SLC2A10: variants seen among roughly 807,000 people sequenced by gnomAD.
SLC2A10 encodes solute carrier family 2 member 10, also known as solute carrier family 2, facilitated glucose transporter member 10.
A neutral mutation model predicts 32.1 loss-of-function variants in SLC2A10; 25 were observed. The observed-to-expected ratio is 0.78, with a 90% CI of 0.57 to 1.09. The LOEUF (loss-of-function observed/expected upper bound fraction) is 1.09, where lower values mean the gene tolerates loss of function less well. Among genes scored for constraint, SLC2A10 ranks in the 50% least tolerant of loss-of-function variants. The pLI, the probability that SLC2A10 is intolerant of heterozygous loss-of-function variation, is 0.00. For synonymous variants in SLC2A10, 332 were observed against 309.6 expected (o/e 1.07, Z -0.76); for missense variants, 673 against 686.5 (o/e 0.98, Z 0.22).
At chr20:46,710,764 G>A (rs375092352) in intron 1 of SLC2A10, among the ~76,000 whole-genome samples, 15 of 152,248 alleles carry the variant, frequency 9.9e-5, no homozygotes, top group African/African-American at 3.4e-4. Context: ...ATGGCAGAGA[G>A]GTGTGCAGGG....
intron 1 of SLC2A10, among the ~76,000 whole-genome samples, chr20:46,713,004 G>GCCACTT (rs1979023086): frequency 6.6e-6 from 1 of 151,820 alleles, no homozygotes; most frequent in Admixed American, 6.6e-5. Context: ...CCTGTCCATG[G>GCCACTT]CCACTTCCAG....
Position 46,725,268 on chromosome 20 carries a change from A to G in SLC2A10, c.232A>G (p.Ile78Val), listed in dbSNP as rs952839819. Reference protein sequence around the residue: ...LIDCYGRKQAILGSNLVLLAG... With the variant: ...LIDCYGRKQAVLGSNLVLLAG... ...TGACTGCTATGGCAGGAAGCAAGCCATCCTCGGGAGCAACTTGGTGCTGCT... is the reference window on the plus strand; with the variant it reads ...TGACTGCTATGGCAGGAAGCAAGCCGTCCTCGGGAGCAACTTGGTGCTGCT... Residue 78 changes from isoleucine (I) to valine (V), a missense_variant, in exon 2 of 5, where the codon ATC becomes GTC. Ile to Val is a conservative substitution (Grantham distance 29). Transcript: ENST00000359271. 2 of 1,614,138 alleles carry G rather than the reference A, an allele frequency of 1.2e-6. No individual in the cohort carries two copies. Among genetic ancestry groups the G allele is most frequent in the South Asian group, 2.2e-5 (2 of 91,082 alleles).
In SLC2A10 at chr20:46,712,651, C is replaced by CTTTTTTTTTTTTTT. The variant is rs11477202; in HGVS notation, c.4+2920_4+2933dup. Among the ~76,000 whole-genome samples, 27 of 94,416 alleles carry CTTTTTTTTTTTTTT rather than the reference C, an allele frequency of 2.9e-4. 1 individual carries two copies. The highest frequency in any genetic ancestry group is 4.1e-4 in the South Asian group (1 of 2,428). The allele number at this position is 94,416 out of a possible 152,430, so 61.9% of individuals were successfully genotyped here. A position where few individuals can be genotyped will look rare whatever the true frequency, so the allele number is the denominator to read the frequency against. ...TTCTTTCTTTCTGTCTTCTTTCTTT[C>CTTTTTTTTTTTTTT]TTTTTTTTTTTTTTTTTTTTTTGAC... On this transcript the variant is annotated intron_variant, in intron 1 of 4. Coordinates refer to ENST00000359271, the MANE Select transcript of SLC2A10 (RefSeq NM_030777.4).
At chr20:46,718,426 T>G (rs1340285164) in intron 1 of SLC2A10, among the ~76,000 whole-genome samples, 1 of 152,184 alleles carries the variant, frequency 6.6e-6, no homozygotes, top group East Asian at 1.9e-4. Flanking sequence ...TTCCATTCCC[T>G]TAACATCTGT....
upstream of SLC2A10, chr20:46,709,589 G>A (rs1003183218): frequency 1.9e-6 from 2 of 1,027,632 alleles, no homozygotes; most frequent in Non-Finnish European, 2.6e-6. Flanking sequence ...TGGCGTTGGC[G>A]GCGCTGCGCG....
At position 46,723,879 on chromosome 20, in the gene SLC2A10, A is replaced by T. The variant is rs188756551; in HGVS notation, c.5-1162A>T. Among the ~76,000 whole-genome samples the T allele has an allele frequency of 1.3e-3, 200 of 152,358 alleles. 1 individual carries two copies. The highest frequency in any genetic ancestry group is 4.6e-3 in the African/African-American group (190 of 41,586). On this transcript the variant is annotated intron_variant, in intron 1 of 4. Transcript: ENST00000359271. ...TCTGCACTTTGGAGGATGATATGTT[A>T]TAGGGTAGCTGTAACAATTAAATGA...
At chr20:46,722,187 T>C (rs556692669) in intron 1 of SLC2A10, among the ~76,000 whole-genome samples, 1 of 152,312 alleles carries the variant, frequency 6.6e-6, no homozygotes, top group African/African-American at 2.4e-5. Flanking sequence ...AATTTCCTTA[T>C]CTGTGACATG....
At position 46,725,129 on chromosome 20, in the gene SLC2A10, T is replaced by C; in HGVS notation, c.93T>C (p.Gly31=). 1 of 1,614,210 alleles carries C rather than the reference T, an allele frequency of 6.2e-7. No homozygotes were observed. The highest frequency in any genetic ancestry group is 8.5e-7 in the Non-Finnish European group (1 of 1,180,044). The change falls in exon 2 of 5, where the codon GGT becomes GGC. Residue 31 remains glycine (G), a synonymous_variant. Transcript: ENST00000359271. ...GTTATGAACTGGCAGTCATATCAGGTGCCCTGCTGCCACTGCAGCTTGACT... is the reference window on the plus strand; with the variant it reads ...GTTATGAACTGGCAGTCATATCAGGCGCCCTGCTGCCACTGCAGCTTGACT... ...TFGYELAVIS[G]ALLPLQLDFG...
chr20:46,711,497 A>G (rs1393894801), intron 1 of SLC2A10, among the ~76,000 whole-genome samples: 1 of 152,170 alleles, frequency 6.6e-6, no homozygotes, highest in East Asian at 1.9e-4. Flanking sequence ...GCCTGAGAAA[A>G]AAATGAGGCC....
chr20:46,714,423 G>C (rs1311063192), intron 1 of SLC2A10: 1 of 152,330 alleles, frequency 6.6e-6, no homozygotes, highest in Non-Finnish European at 1.5e-5. Flanking sequence ...AAGGAAAAGG[G>C]GCGGCTCCCT....
intron 4 of SLC2A10, among the ~76,000 whole-genome samples, 159 bp from the exon 5 acceptor site, chr20:46,733,597 T>C (rs1034907868): frequency 3.0e-4 from 45 of 152,050 alleles, no homozygotes. Flanking sequence ...GGGGTCCAGG[T>C]GAGAGAAGGT....
intron 2 of SLC2A10, 119 bp from the exon 3 acceptor site, chr20:46,726,745 T>C: frequency 7.5e-7 from 1 of 1,339,824 alleles, no homozygotes; most frequent in Non-Finnish European, 1.1e-6. Flanking sequence ...GAGTGGGAGT[T>C]TAGTATCAGG....
chr20:46,725,949 G>A lies in SLC2A10; in HGVS notation c.913G>A (p.Ala305Thr), dbSNP rs1488832954. ...CAGGGCTCTGTTGCTAGCTGGCTGT[G>A]CCCTCATGGCCCTGTCCGTCAGTGG... ...GRRALLLAGC[A>T]LMALSVSGIG... is the part of the protein sequence containing the mutation. The change falls in exon 2 of 5, where the codon GCC (alanine) becomes ACC (threonine). Residue 305 changes from alanine to threonine, a missense_variant. Ala to Thr is a moderately conservative substitution (Grantham distance 58). Transcript: ENST00000359271. 1 of 1,613,712 alleles carries A rather than the reference G, an allele frequency of 6.2e-7. No individual in the cohort carries two copies. Among genetic ancestry groups the A allele is most frequent in the Non-Finnish European group, 8.5e-7 (1 of 1,180,034 alleles).
intron 1 of SLC2A10, among the ~76,000 whole-genome samples, chr20:46,714,259 C>T (rs1045510916): frequency 2.6e-5 from 4 of 152,196 alleles, no homozygotes; most frequent in Non-Finnish European, 5.9e-5. Flanking sequence ...CCGACTCTCA[C>T]TGGCCCAGGT....
chr20:46,732,931 G>A (rs1210661215), intron 4 of SLC2A10, among the ~76,000 whole-genome samples: 1 of 152,182 alleles, frequency 6.6e-6, no homozygotes. Flanking sequence ...AAACAAGTTA[G>A]GAGTTTTGAA....
At chr20:46,721,599 G>C (rs1360484929) in intron 1 of SLC2A10, among the ~76,000 whole-genome samples, 1 of 152,168 alleles carries the variant, frequency 6.6e-6, no homozygotes, top group Non-Finnish European at 1.5e-5. Flanking sequence ...CATGTAACGA[G>C]AGCCCAGTGG....
Position 46,725,514 on chromosome 20 carries a change from A to AC in SLC2A10, c.483dup (p.Trp162LeufsTer30). On this transcript the variant is annotated frameshift_variant, in exon 2 of 5. Transcript: ENST00000359271. LOFTEE classifies it high-confidence loss of function. ...TGCCCTCAACTATGCACTGGCTGGT[A>AC]CCCCCTGGGGATGGAGGCACATGTT... 6.2e-7 allele frequency: 1 copy of AC among 1,613,902 alleles called. No individual in the cohort carries two copies. The highest frequency in any genetic ancestry group is 1.1e-5 in the South Asian group (1 of 91,068).
intron 1 of SLC2A10, among the ~76,000 whole-genome samples, chr20:46,715,276 A>G (rs1015259320): frequency 6.6e-6 from 1 of 151,282 alleles, no homozygotes; most frequent in African/African-American, 2.4e-5. Flanking sequence ...CATTGGCCTT[A>G]TTGTCCATTT....
chr20:46,726,302 C>A lies in SLC2A10; in HGVS notation c.1266C>A (p.Ala422=). The change falls in exon 2 of 5, where the codon GCC becomes GCA. Residue 422 remains alanine (A), a synonymous_variant. Coordinates refer to ENST00000359271, the MANE Select transcript of SLC2A10 (RefSeq NM_030777.4). The part of the protein sequence containing the change: ...ALLCLMVFVS[A]FSFGFGPVTW... ...TGTGCCTGATGGTCTTTGTCAGTGC[C>A]TTCTCCTTTGGGTTTGGGCCAGGTA... 3 of 1,611,038 alleles carry A rather than the reference C, an allele frequency of 1.9e-6. No individual in the cohort carries two copies. The highest frequency in any genetic ancestry group is 2.5e-6 in the Non-Finnish European group (3 of 1,180,024).
Sources: gnomAD v4.1 joint callset for allele counts (sites outside exome capture counted in the v4.1 genomes callset) on GRCh38, gnomAD v4.1.1 for gene constraint, MANE v1.5 for transcripts, NCBI Gene and HGNC (gene_info 2026-07-23, HGNC 2026-07-21) for gene names.